The following SIPA1L1 variants were observed in gnomAD, a reference collection of about 807,000 sequenced individuals.
SIPA1L1 encodes signal induced proliferation associated 1 like 1.
SIPA1L1 carries 26 observed loss-of-function variants against 162.7 expected under a neutral mutation model. That is an observed-to-expected ratio of 0.16 (90% CI 0.12 to 0.22). The LOEUF (loss-of-function observed/expected upper bound fraction) is 0.22, where lower values mean the gene tolerates loss of function less well. SIPA1L1 is among the 10% of genes least tolerant of loss of function. The probability of loss-of-function intolerance (pLI) is 1.00; values close to 1 mark genes in which losing one functional copy is unlikely to be tolerated. For missense variants in SIPA1L1, 1,874 were observed against 2,241.0 expected, an observed-to-expected ratio of 0.84 and a Z score of 3.31; for synonymous variants, 829 against 837.4, an observed-to-expected ratio of 0.99 and a Z score of 0.17.
chr14:71,676,116 A>G (rs1161714939), intron 12 of SIPA1L1, among the ~76,000 whole-genome samples: 1 of 144,370 alleles, frequency 6.9e-6, no homozygotes, highest in Non-Finnish European at 1.5e-5. Context: ...ATGATTCACC[A>G]GCCTTCTCTA....
chr14:71,685,521 C>T lies in SIPA1L1; in HGVS notation c.3264C>T (p.Pro1088=). ...SPQVPSQVQS[P]MTSRLNAGKG... Reference sequence around the variant, plus strand: ...AAGTCCCGTCCCAGGTGCAGAGTCCCATGACCTCGCGGCTGAATGCTGGAA... The same window carrying T: ...AAGTCCCGTCCCAGGTGCAGAGTCCTATGACCTCGCGGCTGAATGCTGGAA... Residue 1088 remains proline (P), a synonymous_variant, in exon 13 of 24, where the codon CCC becomes CCT. Transcript: ENST00000381232. The T allele has an allele frequency of 6.2e-7, 1 of 1,614,170 alleles. No homozygotes were observed. The highest frequency in any genetic ancestry group is 1.6e-4 in the Middle Eastern group (1 of 6,062).
rs533766222 is a variant in SIPA1L1 at position 71,377,181 on chromosome 14, C to T, written c.-465+56000C>T. On this transcript the variant is annotated intron_variant, in intron 2 of 23. Coordinates refer to ENST00000381232, the MANE Select transcript of SIPA1L1 (RefSeq NM_001386936.1). This position sits in a 1 kb window ranked among gnomAD's most constrained non-coding sequence, Gnocchi z 4.8. ...GGCAGCCCCCACCTCCCAGATGGGG[C>T]GGCGGCCGGGTGGGGGCGCCCCCCC... 4.8e-3 allele frequency among the ~76,000 whole-genome samples: 702 copies of T among 146,156 alleles called. 3 individuals carry two copies. The highest frequency in any genetic ancestry group is 0.037 in the Middle Eastern group (9 of 242).
At chr14:71,681,597 A>G (rs1437463496) in intron 12 of SIPA1L1, among the ~76,000 whole-genome samples, 1 of 152,218 alleles carries the variant, frequency 6.6e-6, no homozygotes, top group African/African-American at 2.4e-5. Flanking sequence ...GGCAATTAGA[A>G]ATCATGTGGT....
At chr14:71,330,559 G>T in intron 2 of SIPA1L1, 2 of 1,303,366 alleles carry the variant, frequency 1.5e-6, no homozygotes, top group South Asian at 1.2e-5. Flanking sequence ...TAGCTGGGAG[G>T]CCTTTCCTCC....
At chr14:71,730,930 G>C (rs188246576) in intron 20 of SIPA1L1, among the ~76,000 whole-genome samples, 1 of 152,092 alleles carries the variant, frequency 6.6e-6, no homozygotes. Context: ...TTTAAATTTG[G>C]TTTTTCCCTT....
intron 2 of SIPA1L1, among the ~76,000 whole-genome samples, chr14:71,500,049 T>A (rs1657784956): frequency 6.6e-6 from 1 of 152,226 alleles, no homozygotes; most frequent in African/African-American, 2.4e-5. Context: ...TAATATTAGT[T>A]GAATTAGTCT....
At chr14:71,340,834 G>A (rs1317487123) in intron 2 of SIPA1L1, among the ~76,000 whole-genome samples, 1 of 152,190 alleles carries the variant, frequency 6.6e-6, no homozygotes, top group Non-Finnish European at 1.5e-5. Flanking sequence ...AGCTTTTCAG[G>A]AGGCTGAGGC....
At chr14:71,442,894 C>T (rs1354790302) in intron 2 of SIPA1L1, among the ~76,000 whole-genome samples, 1 of 152,144 alleles carries the variant, frequency 6.6e-6, no homozygotes, top group Non-Finnish European at 1.5e-5. Flanking sequence ...TATAATTATG[C>T]CATTCTACTC....
chr14:71,591,161 A>G (rs1186512716), intron 5 of SIPA1L1, among the ~76,000 whole-genome samples: 1 of 152,148 alleles, frequency 6.6e-6, no homozygotes, highest in East Asian at 1.9e-4. Context: ...GTATAATAAT[A>G]TTATTATAAT....
At chr14:71,395,618 T>C (rs980452889) in intron 2 of SIPA1L1, among the ~76,000 whole-genome samples, 9 of 152,094 alleles carry the variant, frequency 5.9e-5, no homozygotes, top group African/African-American at 1.9e-4. Flanking sequence ...CTATGATTGC[T>C]CTGCTTTGCT....
At chr14:71,386,811 A>G (rs2040357003) in intron 2 of SIPA1L1, among the ~76,000 whole-genome samples, 2 of 152,344 alleles carry the variant, frequency 1.3e-5, no homozygotes, top group African/African-American at 2.4e-5. Context: ...AGACAGACCA[A>G]GTTGATCTAC....
chr14:71,556,000 G>A (rs2056317782), intron 4 of SIPA1L1, among the ~76,000 whole-genome samples: 2 of 152,090 alleles, frequency 1.3e-5, no homozygotes, highest in African/African-American at 4.8e-5. Context: ...GACATATTGT[G>A]GGAATTACCA....
At chr14:71,718,573 C>T (rs2083442705) in intron 17 of SIPA1L1, among the ~76,000 whole-genome samples, 1 of 152,134 alleles carries the variant, frequency 6.6e-6, no homozygotes, top group Admixed American at 6.5e-5. Context: ...TCGCTTAAGC[C>T]CAGGAGGCTG....
At chr14:71,706,327 G>A (rs183836585) in intron 16 of SIPA1L1, among the ~76,000 whole-genome samples, 26 of 152,056 alleles carry the variant, frequency 1.7e-4, no homozygotes, top group East Asian at 3.9e-4. Flanking sequence ...CCCCTCCCTC[G>A]TTAATAATTT....
At chr14:71,334,733 C>T (rs2034907176) in intron 2 of SIPA1L1, among the ~76,000 whole-genome samples, 1 of 152,090 alleles carries the variant, frequency 6.6e-6, no homozygotes, top group Admixed American at 6.5e-5. Flanking sequence ...GGAGACCGCT[C>T]TTCATGTTTC....
chr14:71,507,996 G>A lies in SIPA1L1; in HGVS notation c.-464-4747G>A, dbSNP rs532119515. Among the ~76,000 whole-genome samples, 49 of 152,296 alleles carry A rather than the reference G, an allele frequency of 3.2e-4. No individual in the cohort carries two copies. In the South Asian group the frequency reaches 7.7e-3, roughly 24 times the overall value. ...ACTGTAAGAAAAAAAGAGGGCAAGT[G>A]GGACGATAGAGGGTAACCGGCATAA... On this transcript the variant is annotated intron_variant, in intron 2 of 23. Coordinates refer to ENST00000381232, the MANE Select transcript of SIPA1L1 (RefSeq NM_001386936.1).
chr14:71,472,372 C>CA (rs1041056406), intron 2 of SIPA1L1, among the ~76,000 whole-genome samples: 25 of 150,252 alleles, frequency 1.7e-4, no homozygotes, highest in African/African-American at 6.1e-4. Context: ...AAAAAAAATC[C>CA]AAAAAACCAC....
chr14:71,677,650 A>T (rs143788523), intron 12 of SIPA1L1, among the ~76,000 whole-genome samples: 1,683 of 152,262 alleles, frequency 0.011, 49 homozygotes, highest in Admixed American at 0.064. Context: ...TAATTTTTGT[A>T]TAAGGTGTAA....
chr14:71,386,214 G>A (rs1320036098), intron 2 of SIPA1L1, among the ~76,000 whole-genome samples: 1 of 152,204 alleles, frequency 6.6e-6, no homozygotes, highest in Non-Finnish European at 1.5e-5. Context: ...TCTGTAAGCT[G>A]AGGAGCAAGG....
Sources: allele counts gnomAD v4.1 joint callset (sites outside exome capture counted in the v4.1 genomes callset), GRCh38; gene constraint gnomAD v4.1.1; non-coding constraint Gnocchi (gnomAD v3.1); transcripts MANE v1.5; gene names NCBI Gene and HGNC (gene_info 2026-07-23, HGNC 2026-07-21).